TTN: variants seen among roughly 807,000 people sequenced by gnomAD.
The protein encoded by TTN is titin.
In TTN, 1,525 loss-of-function variants were observed where a neutral mutation model predicts 3,223.0. The ratio of observed to expected loss-of-function variants is 0.47; its 90% CI spans 0.45 to 0.49. The LOEUF is 0.49. Ranked by LOEUF, TTN falls within the 20% of genes least tolerant of loss-of-function variation. The pLI is 0.00. For synonymous variants in TTN, 14,094 were observed against 15,161.0 expected (o/e 0.93, Z 5.17); for missense variants, 40,786 against 43,424.0 (o/e 0.94, Z 5.40).
chr2:178,604,988 A>G lies in TTN; in HGVS notation c.54189T>C (p.Tyr18063=), dbSNP rs2303834. Residue 18063 remains tyrosine (Y), a splice_region_variant and synonymous_variant, in exon 280 of 363, where the codon TAT becomes TAC. Transcript: ENST00000589042. ...GATGTAAGAAAGCAAGTCACTTACC[A>G]TATACTTCAACGTGAACATTTCGGA... is the stretch of plus-strand genomic sequence containing the variant. ...SVFRNVHVEV[Y]DRPSPPRNLA... 8.6e-4 allele frequency: 1,374 copies of G among 1,593,748 alleles called. 11 individuals are homozygous for G. In the East Asian group the frequency reaches 0.012, roughly 14 times the overall value.
intron 362 of TTN, 60 bp from the exon 363 acceptor site, chr2:178,527,367 T>C: frequency 6.4e-7 from 1 of 1,563,934 alleles, no homozygotes; most frequent in Non-Finnish European, 8.6e-7. Flanking sequence ...AAAGATTTGC[T>C]TTCTACTGAA....
rs886055251 is a variant in TTN at position 178,577,240 on chromosome 2, T to A, written c.69095A>T (p.His23032Leu). The change falls in exon 324 of 363, where the codon CAT becomes CTT. Residue 23032 changes from histidine to leucine, a missense_variant. By Grantham distance (99) the His-to-Leu change is moderately conservative. Transcript: ENST00000589042. ...TACATCAAGGACTGTTACCTTCACA[T>A]GTTCCACCTTCGTGCCAAAAGGATT... ...ATNPFGTKVEHVKVTVLDVPG... is the reference protein window; with the variant it reads ...ATNPFGTKVELVKVTVLDVPG... The A allele has an allele frequency of 6.2e-7, 1 of 1,613,010 alleles. No individual in the cohort carries two copies. Among genetic ancestry groups the A allele is most frequent in the Non-Finnish European group, 8.5e-7 (1 of 1,179,482 alleles).
chr2:178,723,301 A>T lies in TTN; in HGVS notation c.21706T>A (p.Leu7236Ile). ...VKEPAAFLKR[L>I]SDHSVEPGKS... is the part of the protein sequence containing the mutation. The stretch of plus-strand genomic sequence containing the variant: ...CCTGGTTCTACAGAATGATCACTTA[A>T]TCTCTTCAAAAATGCAGCTGGTTCT... The change falls in exon 75 of 363, where the codon TTA becomes ATA. Residue 7236 changes from leucine to isoleucine, a missense_variant. Transcript: ENST00000589042. 9 of 1,612,628 alleles carry T rather than the reference A, an allele frequency of 5.6e-6. No individual in the cohort carries two copies. Among genetic ancestry groups the T allele is most frequent in the Non-Finnish European group, 7.6e-6 (9 of 1,179,252 alleles).
Position 178,559,360 on chromosome 2 carries a change from C to T in TTN, c.86772G>A (p.Glu28924=). The T allele has an allele frequency of 6.2e-7, 1 of 1,612,468 alleles. No homozygotes were observed. The highest frequency in any genetic ancestry group is 8.5e-7 in the Non-Finnish European group (1 of 1,178,972). The change falls in exon 326 of 363, where the codon GAG becomes GAA. Residue 28924 remains glutamate, a synonymous_variant. Coordinates refer to ENST00000589042, the MANE Select transcript of TTN (RefSeq NM_001267550.2). ...IYYFRVSGEN[E]FGVGIPAETK... ...TTTCAGCTGGTATACCAACACCAAACTCATTTTCTCCAGAGACTCTGAAGT... is the reference window on the plus strand; with the variant it reads ...TTTCAGCTGGTATACCAACACCAAATTCATTTTCTCCAGAGACTCTGAAGT...
rs376000381 is a variant in TTN, at chr2:178,741,222, T to C, written c.12011A>G (p.Glu4004Gly). Residue 4004 changes from glutamate to glycine, a missense_variant, in exon 48 of 363, where the codon GAA (glutamate) becomes GGA (glycine). By Grantham distance (98) the Glu-to-Gly change is moderately conservative (BLOSUM62 -2). Coordinates refer to ENST00000589042, the MANE Select transcript of TTN (RefSeq NM_001267550.2). ...GTFIVNDPQREDSGLYICKAE... is the reference protein window; with the variant it reads ...GTFIVNDPQRGDSGLYICKAE... The stretch of plus-strand genomic sequence containing the variant: ...TTTACAGATATAGAGGCCACTGTCT[T>C]CCCTCTGAGGGTCATTGACAATGAA... 29 of 1,613,348 alleles carry C rather than the reference T, an allele frequency of 1.8e-5. No homozygotes were observed. In the African/African-American group the frequency reaches 3.9e-4, roughly 22 times the overall value.
In TTN at chr2:178,579,285, A is replaced by G; in HGVS notation, c.67745T>C (p.Val22582Ala). The change falls in exon 320 of 363, where the codon GTC (valine) becomes GCC (alanine). Residue 22582 changes from valine to alanine, a missense_variant. Physicochemically the swap from Val to Ala is moderately conservative, Grantham distance 64. Transcript: ENST00000589042. ...IPIKGKPAPSVSWKKGEDPLA... is the reference protein window; with the variant it reads ...IPIKGKPAPSASWKKGEDPLA... ...AGGATCTTCCCCTTTCTTCCAGGAGACTGATGGAGCTGGCTTGCCTTTTAT... is the reference window on the plus strand; with the variant it reads ...AGGATCTTCCCCTTTCTTCCAGGAGGCTGATGGAGCTGGCTTGCCTTTTAT... The G allele has an allele frequency of 1.2e-6, 2 of 1,613,160 alleles. No individual in the cohort carries two copies. The highest frequency in any genetic ancestry group is 1.7e-6 in the Non-Finnish European group (2 of 1,179,492).
chr2:178,729,897 T>C lies in TTN; in HGVS notation c.18356A>G (p.Asn6119Ser). 3 of 1,613,440 alleles carry C rather than the reference T, an allele frequency of 1.9e-6. No homozygotes were observed. Among genetic ancestry groups the C allele is most frequent in the Admixed American group, 1.7e-5 (1 of 59,942 alleles). ...GCATTCAAATGTTGTTGACTGTCCA[T>C]TCCTCAGCACTAAGACTGGACTGGG... ...KKPSPVLVLR[N>S]GQSTTFECQI... is the part of the protein sequence containing the mutation. Residue 6119 changes from asparagine to serine, a missense_variant, in exon 63 of 363, where the codon AAT (asparagine) becomes AGT (serine). Physicochemically the swap from Asn to Ser is conservative, Grantham distance 46 (BLOSUM62 1). Coordinates refer to ENST00000589042, the MANE Select transcript of TTN (RefSeq NM_001267550.2).
At position 178,554,607 on chromosome 2, in the gene TTN, C is replaced by T. The variant is rs767611128; in HGVS notation, c.88740G>A (p.Val29580=). 2 of 1,613,738 alleles carry T rather than the reference C, an allele frequency of 1.2e-6. No homozygotes were observed. Among genetic ancestry groups the T allele is most frequent in the South Asian group, 1.1e-5 (1 of 91,082 alleles). The stretch of plus-strand genomic sequence containing the variant: ...CCAAATGTTCAGACACCATAGACCA[C>T]ACAACGCGGCTTGTCTCACGCTTTT... ...IVEKRETSRV[V]WSMVSEHLEE... The change falls in exon 332 of 363, where the codon GTG becomes GTA. Residue 29580 remains valine, a synonymous_variant. Transcript: ENST00000589042.
Position 178,573,458 on chromosome 2 carries a change from G to A in TTN, c.72674C>T (p.Pro24225Leu), listed in dbSNP as rs55992239. 1.8e-4 allele frequency: 268 copies of A among 1,513,354 alleles called. No individual in the cohort carries two copies. The highest frequency in any genetic ancestry group is 2.2e-4 in the Non-Finnish European group (247 of 1,134,478). 93.7% of individuals were successfully genotyped at this position (1,513,354 alleles called of 1,614,324 possible). ...AGTTGTCACTTCAGGGTTTTTGGGC[G>A]GATCAGGGGGTCCATAAGGATTCAC... is the stretch of plus-strand genomic sequence containing the variant. Reference protein sequence around the residue: ...LAVNPYGPPDPPKNPEVTTIT... With the variant: ...LAVNPYGPPDLPKNPEVTTIT... Residue 24225 changes from proline to leucine, a missense_variant, in exon 326 of 363, where the codon CCG becomes CTG. By Grantham distance (98) the Pro-to-Leu change is moderately conservative (BLOSUM62 -3). Coordinates refer to ENST00000589042, the MANE Select transcript of TTN (RefSeq NM_001267550.2).
At chr2:178,759,305 G>A in intron 43 of TTN, 133 bp from the exon 44 acceptor site, 1 of 856,298 alleles carries the variant, frequency 1.2e-6, no homozygotes, top group Non-Finnish European at 1.9e-6. Context: ...ACTTTTCTCT[G>A]GGCATGCCAT....
chr2:178,622,555 A>G, intron 243 of TTN, 115 bp downstream of exon 243: 2 of 735,608 alleles, frequency 2.7e-6, no homozygotes. Flanking sequence ...TATCTTTAAA[A>G]GTAAAGTGGT....
At chr2:178,551,302 A>G in intron 335 of TTN, 42 bp from the exon 336 acceptor site, 1 of 1,544,726 alleles carries the variant, frequency 6.5e-7, no homozygotes, top group Non-Finnish European at 8.8e-7. Context: ...TTACATTTGT[A>G]ACCAGGTCTT....
In TTN at chr2:178,777,131, T is replaced by C. The variant is rs2092313768; in HGVS notation, c.4814+18A>G. 5 of 1,614,044 alleles carry C rather than the reference T, an allele frequency of 3.1e-6. No homozygotes were observed. ...TGGATTTGTATAATGAGCTTAGCTT[T>C]ATTATTTCCATACTTACCTGATTTT... On this transcript the variant is annotated intron_variant, in intron 27 of 362. Transcript: ENST00000589042.
rs927982415 is a variant in TTN at position 178,665,728 on chromosome 2, A to G, written c.35939T>C (p.Ile11980Thr). The G allele has an allele frequency of 1.3e-5, 17 of 1,340,098 alleles. No homozygotes were observed. The highest frequency in any genetic ancestry group is 5.4e-5 in the East Asian group (2 of 37,346). 83.0% of individuals were successfully genotyped at this position (1,340,098 alleles called of 1,614,324 possible). A position where few individuals can be genotyped will look rare whatever the true frequency, so the allele number is the denominator to read the frequency against. The change falls in exon 164 of 363, where the codon ATT becomes ACT. Residue 11980 changes from isoleucine (I) to threonine (T), a missense_variant. Physicochemically the swap from Ile to Thr is moderately conservative, Grantham distance 89. Coordinates refer to ENST00000589042, the MANE Select transcript of TTN (RefSeq NM_001267550.2). ...KETPMAAPLE[I>T]EIPPTKAPEA... ...GATACCTTTAGTGGGAGGTATTTCAATTTCAAGGGGAGCAGCCATGGGTGT... is the reference window on the plus strand; with the variant it reads ...GATACCTTTAGTGGGAGGTATTTCAGTTTCAAGGGGAGCAGCCATGGGTGT...
intron 47 of TTN, chr2:178,744,829 T>C: frequency 2.0e-6 from 2 of 985,166 alleles, no homozygotes; most frequent in Non-Finnish European, 2.4e-6. Flanking sequence ...ATCTCAAAAA[T>C]GGAGAAAAAT....
At chr2:178,708,305 C>G (rs1459690811) in intron 99 of TTN, among the ~76,000 whole-genome samples, 1 of 152,168 alleles carries the variant, frequency 6.6e-6, no homozygotes, top group African/African-American at 2.4e-5. Context: ...TGATGTTCAT[C>G]TTTAGCTATT....
In TTN at chr2:178,740,030, C is replaced by T. The variant is rs1338429027; in HGVS notation, c.13203G>A (p.Arg4401=). 1 of 1,613,706 alleles carries T rather than the reference C, an allele frequency of 6.2e-7. No individual in the cohort carries two copies. The highest frequency in any genetic ancestry group is 2.2e-5 in the East Asian group (1 of 44,844). ...QRLNLKIQIC[R]ALQAAVASEQ... ...CGCTGGCCACGGCTGCTTGCAAAGC[C>T]CGGCAGATTTGAATTTTCAGGTTTA... The change falls in exon 48 of 363, where the codon CGG becomes CGA. Residue 4401 remains arginine (R), a synonymous_variant. Coordinates refer to ENST00000589042, the MANE Select transcript of TTN (RefSeq NM_001267550.2).
At position 178,544,618 on chromosome 2, in the gene TTN, C is replaced by A. The variant is rs1696178028; in HGVS notation, c.95723-112G>T. On this transcript the variant is annotated intron_variant, in intron 344 of 362. Transcript: ENST00000589042. ...GCATTATTGCTCTTGTCCACACTCACCAAGATAATCTTTATTAACTGGGCT... is the reference window on the plus strand; with the variant it reads ...GCATTATTGCTCTTGTCCACACTCAACAAGATAATCTTTATTAACTGGGCT... 3 of 845,936 alleles carry A rather than the reference C, an allele frequency of 3.5e-6. No individual in the cohort carries two copies. The Admixed American group carries it at 7.6e-5, about 21-fold the overall frequency. 52.4% of individuals were successfully genotyped at this position (845,936 alleles called of 1,614,324 possible).
rs767564483 is a variant in TTN at position 178,547,127 on chromosome 2, G to A, written c.94398C>T (p.Cys31466=). Residue 31466 remains cysteine (C), a synonymous_variant, in exon 340 of 363, where the codon TGC becomes TGT. Transcript: ENST00000589042. ...CTACTAAACCAGTTACTTTGTAGTT[G>A]CACTCTAAGCATGGCACTTTGTTTT... ...VKENKVPCLE[C]NYKVTGLVEG... 6.2e-7 allele frequency: 1 copy of A among 1,613,778 alleles called. No homozygotes were observed. Among genetic ancestry groups the A allele is most frequent in the South Asian group, 1.1e-5 (1 of 91,084 alleles).
Sources: allele counts gnomAD v4.1 joint callset (sites outside exome capture counted in the v4.1 genomes callset), GRCh38; gene constraint gnomAD v4.1.1; transcripts MANE v1.5; gene names NCBI Gene and HGNC (gene_info 2026-07-23, HGNC 2026-07-21).